Variants in NEGR1 observed in about 807,000 individuals in gnomAD.
NEGR1 encodes IgLON family member 4.
Under a neutral mutation model 40.9 loss-of-function variants are expected in NEGR1, and 10 were observed. That is an observed-to-expected ratio of 0.24 (90% CI 0.15 to 0.42). NEGR1 has a LOEUF of 0.42. NEGR1 is among the 10% of genes least tolerant of loss of function. The pLI is 1.00. For synonymous variants in NEGR1, 185 were observed against 166.8 expected, an observed-to-expected ratio of 1.11 and a Z score of -0.84; for missense variants, 352 against 438.9, an observed-to-expected ratio of 0.80 and a Z score of 1.77.
intron 4 of NEGR1, among the ~76,000 whole-genome samples, chr1:71,641,765 TGCTGAAAA>T (rs1442079641): frequency 6.6e-6 from 1 of 152,036 alleles, no homozygotes; most frequent in Non-Finnish European, 1.5e-5. Context: ...TTCATTTCAA[TGCTGAAAA>T]GCTCCTGTTT....
chr1:71,593,508 C>T (rs1248424793), intron 5 of NEGR1, among the ~76,000 whole-genome samples: 1 of 152,128 alleles, frequency 6.6e-6, no homozygotes, highest in Non-Finnish European at 1.5e-5. Context: ...TTCCATTAAA[C>T]CTAAAAAGAG....
At chr1:71,560,964 G>A (rs1648437185) in intron 6 of NEGR1, among the ~76,000 whole-genome samples, 1 of 151,522 alleles carries the variant, frequency 6.6e-6, no homozygotes, top group African/African-American at 2.4e-5. Context: ...ACTTGCTTAT[G>A]AATTTGGACA....
intron 4 of NEGR1, among the ~76,000 whole-genome samples, chr1:71,619,167 A>C (rs957517998): frequency 1.3e-5 from 2 of 152,210 alleles, no homozygotes; most frequent in Non-Finnish European, 2.9e-5. Context: ...TACAGTAAAA[A>C]ATTATAAATA....
chr1:71,574,780 C>T (rs915325269), intron 6 of NEGR1, among the ~76,000 whole-genome samples: 25 of 152,150 alleles, frequency 1.6e-4, no homozygotes, highest in African/African-American at 6.0e-4. Flanking sequence ...CATACTTATT[C>T]TACATTAAGT....
chr1:71,477,946 G>T (rs1646832288), intron 6 of NEGR1, among the ~76,000 whole-genome samples: 1 of 151,620 alleles, frequency 6.6e-6, no homozygotes, highest in African/African-American at 2.4e-5. Context: ...CTGAGGGAAT[G>T]AGGAATAAAA....
intron 1 of NEGR1, among the ~76,000 whole-genome samples, chr1:72,095,873 C>G (rs542728204): frequency 6.6e-6 from 1 of 152,258 alleles, no homozygotes; most frequent in African/African-American, 2.4e-5. Flanking sequence ...TCCCTCCAAG[C>G]TAGCCAAGAA....
chr1:71,912,429 G>A (rs1413843955), intron 2 of NEGR1, among the ~76,000 whole-genome samples: 1 of 152,088 alleles, frequency 6.6e-6, no homozygotes, highest in East Asian at 1.9e-4. Context: ...AAATTCAACT[G>A]ATGAGAAACT....
intron 1 of NEGR1, among the ~76,000 whole-genome samples, chr1:72,177,566 T>C (rs1347571096): frequency 6.6e-6 from 1 of 152,092 alleles, no homozygotes; most frequent in Non-Finnish European, 1.5e-5. Context: ...CAACAACATA[T>C]ATCAAAGTTC....
At chr1:71,938,464 A>G (rs1032234805) in intron 1 of NEGR1, among the ~76,000 whole-genome samples, 1 of 137,486 alleles carries the variant, frequency 7.3e-6, no homozygotes, top group Non-Finnish European at 1.5e-5. Context: ...AATAAGAACT[A>G]TGTCTTCTTC....
At chr1:71,903,881 G>A (rs1661207848) in intron 2 of NEGR1, among the ~76,000 whole-genome samples, 1 of 151,752 alleles carries the variant, frequency 6.6e-6, no homozygotes, top group Non-Finnish European at 1.5e-5. Context: ...ATGAATGGAT[G>A]TTATAAATGC....
At chr1:72,241,934 A>G (rs1016740022) in intron 1 of NEGR1, among the ~76,000 whole-genome samples, 1 of 151,742 alleles carries the variant, frequency 6.6e-6, no homozygotes, top group Non-Finnish European at 1.5e-5. Context: ...AAAATTACTT[A>G]AACGATCTGT....
intron 6 of NEGR1, among the ~76,000 whole-genome samples, chr1:71,422,093 A>G (rs1335142890): frequency 6.6e-6 from 1 of 152,192 alleles, no homozygotes; most frequent in African/African-American, 2.4e-5. Flanking sequence ...AAGTTTAAGC[A>G]TTGTGGCAGC....
At chr1:72,270,346 C>T (rs145522513) in intron 1 of NEGR1, among the ~76,000 whole-genome samples, 2 of 151,876 alleles carry the variant, frequency 1.3e-5, no homozygotes, top group Non-Finnish European at 1.5e-5. Flanking sequence ...AGCATTCATA[C>T]ATAATTCCGA....
chr1:71,749,821 C>T (rs372023470), intron 3 of NEGR1, among the ~76,000 whole-genome samples: 1 of 152,144 alleles, frequency 6.6e-6, no homozygotes, highest in African/African-American at 2.4e-5. Context: ...TGTTGTCAGA[C>T]CACTGTAAAG....
At chr1:71,906,286 T>C (rs568114518) in intron 2 of NEGR1, among the ~76,000 whole-genome samples, 1 of 152,156 alleles carries the variant, frequency 6.6e-6, no homozygotes, top group East Asian at 1.9e-4. Flanking sequence ...TTGGGTACCG[T>C]ATACGCTGCT....
intron 2 of NEGR1, among the ~76,000 whole-genome samples, chr1:71,926,650 AT>A (rs5775093): frequency 6.8e-6 from 1 of 147,258 alleles, no homozygotes. Flanking sequence ...TATCAATATG[AT>A]TTTTTTTTTT....
chr1:71,763,142 A>AC (rs1293215294), intron 3 of NEGR1, among the ~76,000 whole-genome samples: 1 of 152,192 alleles, frequency 6.6e-6, no homozygotes, highest in Non-Finnish European at 1.5e-5. Flanking sequence ...GGTTCTGGCT[A>AC]CATGAATGAA....
rs569334167 is a variant in NEGR1 at position 71,894,906 on chromosome 1, G to A, written c.409+40173C>T. Among the ~76,000 whole-genome samples, 43 of 152,056 alleles carry A rather than the reference G, an allele frequency of 2.8e-4. No individual in the cohort carries two copies. The East Asian group carries it at 6.6e-3, about 23-fold the overall frequency. Reference sequence around the variant, plus strand: ...TGCACTTCAGCCTGGGCAACACAGTGAGACTCCATCTCCAAATTTTTTTTT... The same window carrying A: ...TGCACTTCAGCCTGGGCAACACAGTAAGACTCCATCTCCAAATTTTTTTTT... On this transcript the variant is annotated intron_variant, in intron 2 of 6. Coordinates refer to ENST00000357731, the MANE Select transcript of NEGR1 (RefSeq NM_173808.3).
intron 2 of NEGR1, among the ~76,000 whole-genome samples, chr1:71,822,025 T>A (rs1658447014): frequency 2.0e-5 from 3 of 151,994 alleles, no homozygotes; most frequent in African/African-American, 7.2e-5. Flanking sequence ...GAAGGGTTTT[T>A]TTTTGTATGT....
Sources: allele counts gnomAD v4.1 joint callset (sites outside exome capture counted in the v4.1 genomes callset), GRCh38; gene constraint gnomAD v4.1.1; transcripts MANE v1.5; gene names NCBI Gene and HGNC (gene_info 2026-07-23, HGNC 2026-07-21).